TRIM71: variants seen among roughly 807,000 people sequenced by gnomAD.
TRIM71 encodes tripartite motif containing 71, also known as E3 ubiquitin-protein ligase TRIM71.
Under a neutral mutation model 61.2 loss-of-function variants are expected in TRIM71, and 9 were observed. That is an observed-to-expected ratio of 0.15 (90% CI 0.09 to 0.26). The LOEUF (loss-of-function observed/expected upper bound fraction) is 0.26. Among genes scored for constraint, TRIM71 ranks in the 10% least tolerant of loss-of-function variants. TRIM71 has a pLI of 1.00. For missense variants in TRIM71, 998 were observed against 1,238.7 expected, an observed-to-expected ratio of 0.81 and a Z score of 2.92; for synonymous variants, 645 against 553.2, an observed-to-expected ratio of 1.17 and a Z score of -2.33.
Position 32,818,597 on chromosome 3 carries a change from C to G in TRIM71, c.517C>G (p.Pro173Ala). The G allele has an allele frequency of 7.5e-7, 1 of 1,330,280 alleles. No individual in the cohort carries two copies. 82.4% of individuals were successfully genotyped at this position (1,330,280 alleles called of 1,614,324 possible). The change falls in exon 1 of 4, where the codon CCG becomes GCG. Residue 173 changes from proline to alanine, a missense_variant. Coordinates refer to ENST00000383763, the MANE Select transcript of TRIM71 (RefSeq NM_001039111.3). ...GCCGCCACTCCCGCAGGCGCCGCAG[C>G]CGCCCGCGCCTTCCCGCTCGGCACC... ...SAPPLPQAPQPPAPSRSAPGG... is the reference protein window; with the variant it reads ...SAPPLPQAPQAPAPSRSAPGG...
intron 2 of TRIM71, among the ~76,000 whole-genome samples, chr3:32,875,937 A>G (rs1455148372): frequency 1.3e-5 from 2 of 152,204 alleles, no homozygotes; most frequent in African/African-American, 2.4e-5. Context: ...TCACATTCCC[A>G]TGCATGATAC....
At chr3:32,845,802 C>T (rs1275505528) in intron 1 of TRIM71, among the ~76,000 whole-genome samples, 1 of 151,742 alleles carries the variant, frequency 6.6e-6, no homozygotes, top group Non-Finnish European at 1.5e-5. Context: ...ACCTCTGCAA[C>T]CTCCGCCTCC....
At chr3:32,847,242 G>A (rs941508982) in intron 1 of TRIM71, among the ~76,000 whole-genome samples, 2 of 147,968 alleles carry the variant, frequency 1.4e-5, no homozygotes, top group East Asian at 4.0e-4. Context: ...TGTTGCCCAG[G>A]CTGGAGTGCA....
intron 1 of TRIM71, among the ~76,000 whole-genome samples, chr3:32,868,482 A>G (rs1382765412): frequency 6.6e-6 from 1 of 152,238 alleles, no homozygotes; most frequent in Non-Finnish European, 1.5e-5. Flanking sequence ...GCCTATACTC[A>G]TTAAGTTGTG....
chr3:32,818,903 C>T lies in TRIM71; in HGVS notation c.823C>T (p.Leu275Phe), dbSNP rs184187287. 5.0e-5 allele frequency: 80 copies of T among 1,612,712 alleles called. No homozygotes were observed. The highest frequency in any genetic ancestry group is 6.5e-5 in the Non-Finnish European group (77 of 1,179,858). Residue 275 changes from leucine to phenylalanine, a missense_variant, in exon 1 of 4, where the codon CTC (leucine) becomes TTC (phenylalanine). Coordinates refer to ENST00000383763, the MANE Select transcript of TRIM71 (RefSeq NM_001039111.3). ...FSILSVFPER[L>F]GFCQHHDDEV... The stretch of plus-strand genomic sequence containing the variant: ...CATCCTCTCAGTGTTTCCCGAGCGC[C>T]TCGGCTTCTGCCAGCACCACGACGA...
At chr3:32,830,792 C>T (rs1358541300) in intron 1 of TRIM71, among the ~76,000 whole-genome samples, 1 of 152,078 alleles carries the variant, frequency 6.6e-6, no homozygotes, top group African/African-American at 2.4e-5. Context: ...AGAATGCCTC[C>T]CCCTGCCCCA....
rs758043344 is a variant in TRIM71 at position 32,818,671 on chromosome 3, C to T, written c.591C>T (p.His197=). Residue 197 remains histidine, a synonymous_variant, in exon 1 of 4, where the codon CAC becomes CAT. Transcript: ENST00000383763. ...CGGCGCTGCTGCTCCGCCGTCCTCA[C>T]GGCTGCAGCTCGTGCGATGAGGGCA... ...SPSALLLRRP[H]GCSSCDEGNA... is the part of the protein sequence containing the mutation. 3 of 1,540,970 alleles carry T rather than the reference C, an allele frequency of 1.9e-6. No individual in the cohort carries two copies. Among genetic ancestry groups the T allele is most frequent in the Middle Eastern group, 1.9e-4 (1 of 5,368 alleles).
chr3:32,818,782 G>A lies in TRIM71; in HGVS notation c.702G>A (p.Lys234=). 6.2e-7 allele frequency: 1 copy of A among 1,608,582 alleles called. No individual in the cohort carries two copies. Among genetic ancestry groups the A allele is most frequent in the Non-Finnish European group, 8.5e-7 (1 of 1,178,536 alleles). Residue 234 remains lysine, a synonymous_variant, in exon 1 of 4, where the codon AAG becomes AAA. Transcript: ENST00000383763. ...VRAHQRVRLT[K]DHYIERGPPG... Reference sequence around the variant, plus strand: ...CGCACCAGCGCGTGCGCCTCACCAAGGACCACTACATCGAGCGCGGCCCGC... The same window carrying A: ...CGCACCAGCGCGTGCGCCTCACCAAAGACCACTACATCGAGCGCGGCCCGC...
chr3:32,897,216 A>G lies in TRIM71; in HGVS notation c.*5405A>G, dbSNP rs940914843. ...TGTCTTTTTTTTTTTTAAATAAACA[A>G]TTGGGGGAATTAATGTGGGCAAGTT... On this transcript the variant is annotated 3_prime_UTR_variant, in exon 4 of 4. Coordinates refer to ENST00000383763, the MANE Select transcript of TRIM71 (RefSeq NM_001039111.3). 1.2e-4 allele frequency: 18 copies of G among 151,794 alleles called. No homozygotes were observed. Among genetic ancestry groups the G allele is most frequent in the Non-Finnish European group, 2.2e-4 (15 of 67,964 alleles). The allele number at this position is 151,794 out of a possible 1,614,324, so 9.4% of individuals were successfully genotyped here.
chr3:32,855,593 C>T (rs1575350157), intron 1 of TRIM71, among the ~76,000 whole-genome samples: 1 of 152,110 alleles, frequency 6.6e-6, no homozygotes, highest in Non-Finnish European at 1.5e-5. Context: ...CTCAGCCTGT[C>T]GGTTCTCTGG....
In TRIM71 at chr3:32,818,098, G is replaced by A. The variant is rs1477486634; in HGVS notation, c.18G>A (p.Glu6=). The part of the protein sequence containing the change: MASFP[E]TDFQICLLCK... ...GGTTGCAAATGGCTTCGTTCCCCGA[G>A]ACCGATTTCCAGATCTGCTTGCTGT... Residue 6 remains glutamate, a synonymous_variant, in exon 1 of 4, where the codon GAG becomes GAA. Transcript: ENST00000383763. 4 of 1,610,284 alleles carry A rather than the reference G, an allele frequency of 2.5e-6. No individual in the cohort carries two copies. Among genetic ancestry groups the A allele is most frequent in the Non-Finnish European group, 2.5e-6 (3 of 1,177,998 alleles).
At chr3:32,819,531 A>C (rs370639167) in intron 1 of TRIM71, among the ~76,000 whole-genome samples, 2 of 152,146 alleles carry the variant, frequency 1.3e-5, no homozygotes, top group East Asian at 3.9e-4. Flanking sequence ...ATGTTGGGTA[A>C]GAGTGGGAGC....
intron 1 of TRIM71, among the ~76,000 whole-genome samples, chr3:32,819,863 C>T (rs1696108042): frequency 6.6e-6 from 1 of 152,238 alleles, no homozygotes; most frequent in African/African-American, 2.4e-5. Context: ...CCGTACGCTG[C>T]TGGAACGCCG....
chr3:32,828,183 CAA>C (rs1696225634), intron 1 of TRIM71, among the ~76,000 whole-genome samples: 1 of 151,916 alleles, frequency 6.6e-6, no homozygotes, highest in Admixed American at 6.6e-5. Flanking sequence ...AGATCAGTGT[CAA>C]AGGGAGATAT....
intron 1 of TRIM71, among the ~76,000 whole-genome samples, chr3:32,865,061 G>C (rs1333042288): frequency 6.6e-6 from 1 of 152,132 alleles, no homozygotes; most frequent in African/African-American, 2.4e-5. Context: ...CAGGCGCAGT[G>C]GCTCACGCCT....
At chr3:32,837,764 C>A (rs1271710322) in intron 1 of TRIM71, among the ~76,000 whole-genome samples, 1 of 152,148 alleles carries the variant, frequency 6.6e-6, no homozygotes, top group African/African-American at 2.4e-5. Flanking sequence ...CGACATTATA[C>A]CACTGCACTC....
chr3:32,890,672 A>G lies in TRIM71; in HGVS notation c.1468A>G (p.Thr490Ala), dbSNP rs1334565887. 6.2e-7 allele frequency: 1 copy of G among 1,614,000 alleles called. No individual in the cohort carries two copies. Among genetic ancestry groups the G allele is most frequent in the Non-Finnish European group, 8.5e-7 (1 of 1,180,046 alleles). The change falls in exon 4 of 4, where the codon ACA (threonine) becomes GCA (alanine). Residue 490 changes from threonine (T) to alanine (A), a missense_variant. Around this residue, in one of 5 missense-constraint regions of TRIM71, gnomAD observed 291 missense variants for 431.2 expected, o/e 0.67. Transcript: ENST00000383763. The surrounding 1 kb of genome is among the most constrained non-coding windows in gnomAD (Gnocchi z 6.2). ...SGAFAPLTKA[T>A]GDGLKRALQG... is the part of the protein sequence containing the mutation. Reference sequence around the variant, plus strand: ...GGCCTTTGCCCCACTCACCAAGGCCACAGGCGATGGCCTCAAGCGTGCCCT... The same window carrying G: ...GGCCTTTGCCCCACTCACCAAGGCCGCAGGCGATGGCCTCAAGCGTGCCCT...
intron 1 of TRIM71, among the ~76,000 whole-genome samples, chr3:32,863,034 G>A (rs778826883): frequency 2.4e-4 from 36 of 152,034 alleles, no homozygotes; most frequent in Non-Finnish European, 5.0e-4. Flanking sequence ...TGGGGCCATT[G>A]GAGTTAACTC....
chr3:32,857,962 C>T (rs1235507448), intron 1 of TRIM71, among the ~76,000 whole-genome samples: 2 of 151,978 alleles, frequency 1.3e-5, no homozygotes, highest in African/African-American at 4.8e-5. Flanking sequence ...TAGAGTGAGA[C>T]TCAGTCTCGG....
Sources: gnomAD v4.1 joint callset for allele counts (sites outside exome capture counted in the v4.1 genomes callset) on GRCh38, gnomAD v4.1.1 for gene constraint, gnomAD v4.1.1 regional missense constraint, Gnocchi (gnomAD v3.1) non-coding constraint, MANE v1.5 for transcripts, NCBI Gene and HGNC (gene_info 2026-07-23, HGNC 2026-07-21) for gene names.